The following HLCS variants were observed in gnomAD, a reference collection of about 807,000 sequenced individuals.
HLCS encodes the protein holocarboxylase synthetase, also known as biotin--protein ligase.
A neutral mutation model predicts 75.0 loss-of-function variants in HLCS; 53 were observed. The observed-to-expected ratio is 0.71, with a 90% CI of 0.57 to 0.89. HLCS has a LOEUF of 0.89. HLCS is among the 40% of genes least tolerant of loss of function. The pLI, the probability that HLCS is intolerant of heterozygous loss-of-function variation, is 0.00. For missense variants in HLCS, 966 were observed against 1,074.0 expected (o/e 0.90, Z 1.41); for synonymous variants, 431 against 428.6 (o/e 1.01, Z -0.07).
At chr21:36,968,559 T>C (rs1444665556), upstream of HLCS, 1 of 152,192 alleles carries the variant, frequency 6.6e-6, no homozygotes, top group Non-Finnish European at 1.5e-5. Flanking sequence ...TACAGGACAG[T>C]GGCAGCCGGA....
At chr21:36,979,990 G>A (rs2069064950) in intron 1 of HLCS, among the ~76,000 whole-genome samples, 1 of 121,864 alleles carries the variant, frequency 8.2e-6, no homozygotes, top group Non-Finnish European at 1.6e-5. Flanking sequence ...CACGCCACTT[G>A]TACTCCAGCC....
At chr21:36,788,343 T>C (rs1030985847) in intron 6 of HLCS, among the ~76,000 whole-genome samples, 1 of 152,166 alleles carries the variant, frequency 6.6e-6, no homozygotes, top group Non-Finnish European at 1.5e-5. Context: ...CAGCGACCCT[T>C]TGTCAATGGT....
At chr21:36,916,632 G>A (rs1414198089) in intron 5 of HLCS, among the ~76,000 whole-genome samples, 2 of 148,250 alleles carry the variant, frequency 1.3e-5, no homozygotes, top group East Asian at 2.0e-4. Flanking sequence ...TCAGCCTCCC[G>A]AAGTGCTGAG....
chr21:36,791,571 C>T (rs1345861504), intron 6 of HLCS, among the ~76,000 whole-genome samples: 2 of 152,140 alleles, frequency 1.3e-5, no homozygotes, highest in African/African-American at 4.8e-5. Context: ...TTTTCTCTTA[C>T]GGTGTGGATT....
chr21:36,750,593 C>G lies in HLCS; in HGVS notation c.*3653G>C, dbSNP rs1443035326. 6.6e-6 allele frequency among the ~76,000 whole-genome samples: 1 copy of G among 152,064 alleles called. No individual in the cohort carries two copies. Among genetic ancestry groups the G allele is most frequent in the African/African-American group, 2.4e-5 (1 of 41,382 alleles). On this transcript the variant is annotated 3_prime_UTR_variant, in exon 11 of 11. Coordinates refer to ENST00000674895, the MANE Select transcript of HLCS (RefSeq NM_001352514.2). ...ACGGCCAATGGATCTTGTATAAAGT[C>G]TACGTAAGTTTTAATTTACCAGAGC...
chr21:36,931,283 C>CAAAAAA (rs57829948), intron 4 of HLCS, among the ~76,000 whole-genome samples: 18 of 75,426 alleles, frequency 2.4e-4, no homozygotes, highest in Admixed American at 3.2e-4. Flanking sequence ...AACTCCATCG[C>CAAAAAA]AAAAAAAAAA....
intron 6 of HLCS, among the ~76,000 whole-genome samples, chr21:36,868,927 C>A (rs2063669406): frequency 6.6e-6 from 1 of 152,074 alleles, no homozygotes; most frequent in African/African-American, 2.4e-5. Flanking sequence ...AGGTATAGTA[C>A]AACCTCCCTC....
chr21:36,756,559 G>GT lies in HLCS; in HGVS notation c.2432dup (p.Tyr811Ter). Residue 811 changes from tyrosine to a stop codon, truncating the protein, a stop_gained and frameshift_variant, in exon 10 of 11, where the codon TAC (tyrosine) becomes TAAC (stop). Transcript: ENST00000674895. LOFTEE classifies it high-confidence loss of function. ...GCACTGACCTGTGGACCCAGTATCG[G>GT]TAATAAAGGGGAAGGACGCTGTTGG... ...KGPNSVLPLY[Y>*]RYWVHSGQQV... 6.2e-7 allele frequency: 1 copy of GT among 1,608,556 alleles called. No individual in the cohort carries two copies. The highest frequency in any genetic ancestry group is 8.5e-7 in the Non-Finnish European group (1 of 1,176,526).
At chr21:36,941,583 A>C (rs983176407) in intron 2 of HLCS, among the ~76,000 whole-genome samples, 1 of 152,260 alleles carries the variant, frequency 6.6e-6, no homozygotes, top group East Asian at 1.9e-4. Context: ...GACGTGTAAA[A>C]GAATGAACAT....
chr21:36,927,788 G>A (rs1417083895), intron 5 of HLCS, among the ~76,000 whole-genome samples: 1 of 152,220 alleles, frequency 6.6e-6, no homozygotes, highest in Admixed American at 6.5e-5. Context: ...ATGCGAGGCA[G>A]CCTAGCTCAG....
intron 5 of HLCS, among the ~76,000 whole-genome samples, chr21:36,916,044 A>G (rs2065913457): frequency 6.6e-6 from 1 of 152,196 alleles, no homozygotes; most frequent in African/African-American, 2.4e-5. Flanking sequence ...GATTAACAAC[A>G]TATGGTCCTT....
chr21:36,797,119 G>A (rs918814694), intron 6 of HLCS, among the ~76,000 whole-genome samples: 4 of 151,972 alleles, frequency 2.6e-5, no homozygotes, highest in Admixed American at 1.3e-4. Context: ...CACCCGCCTC[G>A]GCCTCTCAAA....
intron 5 of HLCS, among the ~76,000 whole-genome samples, chr21:36,904,317 T>C (rs1454401570): frequency 1.3e-5 from 2 of 152,250 alleles, no homozygotes; most frequent in Non-Finnish European, 2.9e-5. Flanking sequence ...CATTGTTATG[T>C]CTACTAATTA....
chr21:36,859,301 G>A (rs577141983), intron 6 of HLCS, among the ~76,000 whole-genome samples: 9 of 152,316 alleles, frequency 5.9e-5, no homozygotes, highest in East Asian at 3.9e-4. Flanking sequence ...GATTACAGGC[G>A]TGAGCCACCA....
intron 6 of HLCS, among the ~76,000 whole-genome samples, chr21:36,865,179 C>T (rs1054655235): frequency 6.6e-6 from 1 of 151,822 alleles, no homozygotes. Flanking sequence ...GACATCTGCT[C>T]GGGCGGATCA....
At chr21:36,886,355 C>T (rs2064459058) in intron 6 of HLCS, among the ~76,000 whole-genome samples, 2 of 149,142 alleles carry the variant, frequency 1.3e-5, no homozygotes, top group South Asian at 4.2e-4. Flanking sequence ...ATGGCGTGAA[C>T]CCGGAAGGCA....
intron 5 of HLCS, among the ~76,000 whole-genome samples, chr21:36,907,718 T>C (rs2065520050): frequency 6.6e-6 from 1 of 152,012 alleles, no homozygotes; most frequent in African/African-American, 2.4e-5. Flanking sequence ...AACAACAAAC[T>C]GGGAGAAATT....
chr21:36,881,082 G>C (rs556633371), intron 6 of HLCS, among the ~76,000 whole-genome samples: 1 of 152,188 alleles, frequency 6.6e-6, no homozygotes, highest in Non-Finnish European at 1.5e-5. Flanking sequence ...GCAATCTCCT[G>C]CCTCAGCCCC....
chr21:36,851,382 A>G (rs919732239), intron 6 of HLCS, among the ~76,000 whole-genome samples: 2 of 152,246 alleles, frequency 1.3e-5, no homozygotes, highest in Non-Finnish European at 2.9e-5. Flanking sequence ...TTGCAACAAC[A>G]TGGACGGAAC....
Sources: allele counts gnomAD v4.1 joint callset (sites outside exome capture counted in the v4.1 genomes callset), GRCh38; gene constraint gnomAD v4.1.1; transcripts MANE v1.5; gene names NCBI Gene and HGNC (gene_info 2026-07-23, HGNC 2026-07-21).